PLA2R1: variants seen among roughly 807,000 people sequenced by gnomAD.
PLA2R1 encodes the protein phospholipase A2 receptor 1.
A neutral mutation model predicts 195.9 loss-of-function variants in PLA2R1; 158 were observed. The ratio of observed to expected loss-of-function variants is 0.81; its 90% CI spans 0.71 to 0.92. The LOEUF is 0.92. Ranked by LOEUF, PLA2R1 falls within the 40% of genes least tolerant of loss-of-function variation. PLA2R1 has a pLI of 0.00. For missense variants in PLA2R1, 1,626 were observed against 1,764.6 expected, an observed-to-expected ratio of 0.92 and a Z score of 1.41; for synonymous variants, 586 against 598.2, an observed-to-expected ratio of 0.98 and a Z score of 0.30.
intron 27 of PLA2R1, 24 bp from the exon 28 acceptor site, chr2:159,945,106 T>G (rs1424278025): frequency 6.4e-7 from 1 of 1,564,040 alleles, no homozygotes; most frequent in Admixed American, 1.7e-5. Context: ...GCTGACTCAT[T>G]ATGAATTATG....
chr2:160,007,502 G>T (rs1202137309), intron 10 of PLA2R1, among the ~76,000 whole-genome samples: 1 of 152,250 alleles, frequency 6.6e-6, no homozygotes, highest in Non-Finnish European at 1.5e-5. Context: ...ACATCCAGAG[G>T]AACACACCGG....
intron 22 of PLA2R1, 144 bp from the exon 23 acceptor site, chr2:159,955,490 A>G (rs910453235): frequency 3.8e-5 from 21 of 552,078 alleles, no homozygotes; most frequent in Admixed American, 7.9e-5. Flanking sequence ...AAGTCATTTC[A>G]TAACCTACAA....
chr2:159,997,176 G>T (rs1307966378), intron 11 of PLA2R1, among the ~76,000 whole-genome samples: 3 of 152,090 alleles, frequency 2.0e-5, no homozygotes, highest in Non-Finnish European at 4.4e-5. Context: ...AGGTGTGAGA[G>T]GAGGGGAAGC....
chr2:160,020,406 T>G (rs1380900828), intron 7 of PLA2R1, 143 bp from the exon 8 acceptor site: 2 of 620,870 alleles, frequency 3.2e-6, no homozygotes, highest in East Asian at 5.5e-5. Flanking sequence ...TAAGTCTTGG[T>G]ATAAAATGTC....
In PLA2R1 at chr2:160,062,592, CAGTGA is replaced by C; in HGVS notation, c.-194_-190del. On this transcript the variant is annotated 5_prime_UTR_variant, in exon 1 of 30. Coordinates refer to ENST00000283243, the MANE Select transcript of PLA2R1 (RefSeq NM_007366.5). ...ACCCACTCCGCCACCGCTGTCTCCA[CAGTGA>C]ACCGACACTCGGGGCTCTGGGCTGG... is the stretch of plus-strand genomic sequence containing the variant. 9.5e-7 allele frequency: 1 copy of C among 1,047,756 alleles called. No homozygotes were observed. 64.9% of individuals were successfully genotyped at this position (1,047,756 alleles called of 1,614,324 possible). A position where few individuals can be genotyped will look rare whatever the true frequency, so the allele number is the denominator to read the frequency against.
intron 11 of PLA2R1, among the ~76,000 whole-genome samples, chr2:159,995,768 G>A (rs1007019447): frequency 6.6e-6 from 1 of 151,512 alleles, no homozygotes; most frequent in Non-Finnish European, 1.5e-5. Context: ...TTTAGTAACA[G>A]AGAGTTTTAG....
chr2:160,060,645 A>G (rs1348817193), intron 1 of PLA2R1, among the ~76,000 whole-genome samples: 1 of 152,244 alleles, frequency 6.6e-6, no homozygotes, highest in African/African-American at 2.4e-5. Flanking sequence ...CTCTAATTTC[A>G]GAGTGCCCTT....
At chr2:160,003,733 T>C (rs1301404623) in intron 11 of PLA2R1, among the ~76,000 whole-genome samples, 1 of 152,202 alleles carries the variant, frequency 6.6e-6, no homozygotes, top group East Asian at 1.9e-4. Flanking sequence ...TGTACACTTT[T>C]AGGCCAACAT....
Position 160,043,385 on chromosome 2 carries a change from C to A in PLA2R1, c.494-1187G>T, listed in dbSNP as rs974346397. ...TGCTGGCTGCCTTCTCAGGGTATTG[C>A]AATACTCGGCCATTCTTGGCCTTAA... On this transcript the variant is annotated intron_variant, in intron 2 of 29. Transcript: ENST00000283243. Among the ~76,000 whole-genome samples, 3 of 152,170 alleles carry A rather than the reference C, an allele frequency of 2.0e-5. No homozygotes were observed. In the South Asian group the frequency reaches 6.2e-4, roughly 32 times the overall value.
Position 159,951,415 on chromosome 2 carries a change from C to G in PLA2R1, c.3465G>C (p.Gln1155His). 6.2e-7 allele frequency: 1 copy of G among 1,613,962 alleles called. No homozygotes were observed. The highest frequency in any genetic ancestry group is 8.5e-7 in the Non-Finnish European group (1 of 1,179,874). ...HKAQLVSITD[Q>H]YHQSFLTVVL... ...CAACAGTGAGGAAGGACTGGTGATA[C>G]TGGTCTGTGATGCTGACCAGTTGTG... Residue 1155 changes from glutamine to histidine, a missense_variant, in exon 24 of 30, where the codon CAG becomes CAC. Transcript: ENST00000283243.
At chr2:160,061,501 C>A (rs1695946879) in intron 1 of PLA2R1, among the ~76,000 whole-genome samples, 1 of 152,248 alleles carries the variant, frequency 6.6e-6, no homozygotes, top group South Asian at 2.1e-4. Flanking sequence ...AGGCGGGGTG[C>A]GGTGGGTCAG....
At chr2:160,006,098 A>G (rs1038448307) in intron 10 of PLA2R1, among the ~76,000 whole-genome samples, 1 of 152,216 alleles carries the variant, frequency 6.6e-6, no homozygotes, top group Admixed American at 6.5e-5. Flanking sequence ...GTTTCAAAGC[A>G]TAGGTGGTAA....
At chr2:159,969,221 G>A (rs770517574) in intron 19 of PLA2R1, 35 bp downstream of exon 19, 7 of 1,037,910 alleles carry the variant, frequency 6.7e-6, no homozygotes, top group Admixed American at 5.4e-5. Context: ...TTATCAGTTT[G>A]TATTATAAAC....
At chr2:160,008,527 T>C (rs1276753342) in intron 10 of PLA2R1, among the ~76,000 whole-genome samples, 1 of 152,130 alleles carries the variant, frequency 6.6e-6, no homozygotes, top group African/African-American at 2.4e-5. Context: ...CCTTACCTTA[T>C]ACTATGCACA....
intron 11 of PLA2R1, among the ~76,000 whole-genome samples, chr2:159,989,521 G>T (rs1198622233): frequency 6.6e-6 from 1 of 152,204 alleles, no homozygotes; most frequent in Non-Finnish European, 1.5e-5. Context: ...TTCGGACTTG[G>T]AGCGTGAAGT....
intron 6 of PLA2R1, among the ~76,000 whole-genome samples, chr2:160,024,905 C>T (rs1693398322): frequency 6.6e-6 from 1 of 152,124 alleles, no homozygotes; most frequent in African/African-American, 2.4e-5. Context: ...TGCCACCATT[C>T]CTGGGTCCTT....
At chr2:160,052,917 TAAAAAACAAACA>T (rs138975115) in intron 1 of PLA2R1, among the ~76,000 whole-genome samples, 14,689 of 152,102 alleles carry the variant, frequency 0.097, 919 homozygotes, top group East Asian at 0.24. Context: ...GTAGAAATGT[TAAAAAACAAACA>T]AAAAAACAAA....
At chr2:159,947,644 T>G in intron 25 of PLA2R1, 85 bp from the exon 26 acceptor site, 1 of 1,257,378 alleles carries the variant, frequency 8.0e-7, no homozygotes, top group South Asian at 1.3e-5. Flanking sequence ...CTATAAAAGA[T>G]CAAGATAAAT....
At chr2:159,962,099 C>A (rs1688486818) in intron 20 of PLA2R1, among the ~76,000 whole-genome samples, 1 of 152,080 alleles carries the variant, frequency 6.6e-6, no homozygotes, top group Non-Finnish European at 1.5e-5. Flanking sequence ...AAACAGGCAA[C>A]CTACAGAATG....
Sources: gnomAD v4.1 joint callset for allele counts (sites outside exome capture counted in the v4.1 genomes callset) on GRCh38, gnomAD v4.1.1 for gene constraint, MANE v1.5 for transcripts, NCBI Gene and HGNC (gene_info 2026-07-23, HGNC 2026-07-21) for gene names.